Variants in KIF18A observed in about 807,000 individuals in gnomAD.
KIF18A encodes kinesin family member 18A, also known as kinesin-like protein KIF18A.
A neutral mutation model predicts 103.3 loss-of-function variants in KIF18A; 67 were observed. The ratio of observed to expected loss-of-function variants is 0.65; its 90% CI spans 0.53 to 0.79. The LOEUF (loss-of-function observed/expected upper bound fraction) is 0.79, where lower values mean the gene tolerates loss of function less well. Among genes scored for constraint, KIF18A ranks in the 30% least tolerant of loss-of-function variants. The pLI is 0.00. For synonymous variants in KIF18A, 367 were observed against 355.5 expected, an observed-to-expected ratio of 1.03 and a Z score of -0.36; for missense variants, 1,032 against 1,062.5, an observed-to-expected ratio of 0.97 and a Z score of 0.40.
At chr11:28,046,643 A>G (rs1850638523) in intron 13 of KIF18A, among the ~76,000 whole-genome samples, 1 of 146,384 alleles carries the variant, frequency 6.8e-6, no homozygotes, top group African/African-American at 2.5e-5. Flanking sequence ...ACATGTATAC[A>G]TATGTAACTA....
Position 28,058,992 on chromosome 11 carries a change from C to A in KIF18A, c.1882G>T (p.Asp628Tyr), listed in dbSNP as rs764168501. 1.4e-5 allele frequency: 22 copies of A among 1,614,014 alleles called. No homozygotes were observed. The highest frequency in any genetic ancestry group is 1.9e-5 in the Non-Finnish European group (22 of 1,179,960). The change falls in exon 13 of 17, where the codon GAT (aspartate) becomes TAT (tyrosine). Residue 628 changes from aspartate to tyrosine, a missense_variant. By Grantham distance (160) the Asp-to-Tyr change is radical. Coordinates refer to ENST00000263181, the MANE Select transcript of KIF18A (RefSeq NM_031217.4). Reference sequence around the variant, plus strand: ...ATAAGAACAGAAATCCCTGGTAGATCGTTTTGCTTTGGTTGTTCGGCAGTT... The same window carrying A: ...ATAAGAACAGAAATCCCTGGTAGATAGTTTTGCTTTGGTTGTTCGGCAGTT... ...DQTAEQPKQN[D>Y]LPGISVLMTF...
intron 4 of KIF18A, 133 bp downstream of exon 4, chr11:28,091,276 C>T (rs1851300909): frequency 3.7e-5 from 20 of 535,990 alleles, no homozygotes; most frequent in South Asian, 1.9e-4. Flanking sequence ...AAAAATATAC[C>T]CTAATCATTT....
chr11:28,058,363 A>G (rs916416985), intron 13 of KIF18A, among the ~76,000 whole-genome samples: 6 of 151,692 alleles, frequency 4.0e-5, no homozygotes, highest in African/African-American at 1.2e-4. Context: ...TCAAAAATAG[A>G]TAAAATGGGT....
intron 3 of KIF18A, among the ~76,000 whole-genome samples, chr11:28,094,261 G>T (rs1852135123): frequency 6.6e-6 from 1 of 152,060 alleles, no homozygotes; most frequent in Non-Finnish European, 1.5e-5. Context: ...TTGTATCATT[G>T]CTAATTTCCT....
chr11:28,041,067 G>A (rs16917687), intron 13 of KIF18A, among the ~76,000 whole-genome samples: 44,013 of 151,474 alleles, frequency 0.29, 7,231 homozygotes, highest in African/African-American at 0.44. Context: ...AATCTAAAAG[G>A]AGTACACCTG....
chr11:28,030,848 A>G (rs1204692703), intron 15 of KIF18A, among the ~76,000 whole-genome samples: 1 of 150,414 alleles, frequency 6.6e-6, no homozygotes, highest in East Asian at 1.9e-4. Flanking sequence ...AAAAACAAAC[A>G]ACCCCATCAA....
chr11:28,089,084 G>T (rs570579745), intron 5 of KIF18A, among the ~76,000 whole-genome samples: 1 of 152,124 alleles, frequency 6.6e-6, no homozygotes, highest in Non-Finnish European at 1.5e-5. Flanking sequence ...AAAGCTACTC[G>T]TTAGAATGCC....
intron 12 of KIF18A, among the ~76,000 whole-genome samples, chr11:28,060,024 T>C (rs1850838347): frequency 6.6e-6 from 1 of 152,152 alleles, no homozygotes; most frequent in East Asian, 1.9e-4. Flanking sequence ...ATGGGGAGTA[T>C]AAATAATCGT....
intron 9 of KIF18A, among the ~76,000 whole-genome samples, chr11:28,080,287 T>C (rs192123746): frequency 3.9e-5 from 6 of 152,104 alleles, no homozygotes; most frequent in Admixed American, 3.9e-4. Context: ...CACTGACTTC[T>C]TGAATTCAGT....
At chr11:28,092,767 C>G (rs1049185799) in intron 3 of KIF18A, among the ~76,000 whole-genome samples, 1 of 152,104 alleles carries the variant, frequency 6.6e-6, no homozygotes, top group Admixed American at 6.5e-5. Flanking sequence ...GTACAATTCT[C>G]TACAATGAAT....
At chr11:28,025,531 T>C (rs1850306381) in intron 15 of KIF18A, among the ~76,000 whole-genome samples, 1 of 152,014 alleles carries the variant, frequency 6.6e-6, no homozygotes, top group African/African-American at 2.4e-5. Flanking sequence ...ATGTTCTTTC[T>C]TGAAAATTAG....
At chr11:28,100,325 G>C (rs539351669) in intron 1 of KIF18A, among the ~76,000 whole-genome samples, 4 of 152,178 alleles carry the variant, frequency 2.6e-5, no homozygotes, top group African/African-American at 9.6e-5. Flanking sequence ...GCAGTATTAA[G>C]CTTTAAAAAC....
At chr11:28,067,429 A>G (rs988814858) in intron 11 of KIF18A, among the ~76,000 whole-genome samples, 1 of 152,056 alleles carries the variant, frequency 6.6e-6, no homozygotes, top group African/African-American at 2.4e-5. Flanking sequence ...AACTGTCATC[A>G]TTAACTACTA....
intron 12 of KIF18A, among the ~76,000 whole-genome samples, chr11:28,061,747 A>G (rs953837797): frequency 6.6e-6 from 1 of 152,170 alleles, no homozygotes; most frequent in African/African-American, 2.4e-5. Flanking sequence ...ATAGATTCTT[A>G]GAGTAGCAGA....
chr11:28,023,299 TAC>T (rs1590656110), intron 16 of KIF18A, among the ~76,000 whole-genome samples: 2 of 152,212 alleles, frequency 1.3e-5, no homozygotes, highest in African/African-American at 4.8e-5. Flanking sequence ...TGTAACTAGA[TAC>T]AGACTGGAAT....
intron 15 of KIF18A, among the ~76,000 whole-genome samples, chr11:28,027,711 C>T (rs1356324149): frequency 6.6e-6 from 1 of 151,866 alleles, no homozygotes; most frequent in East Asian, 1.9e-4. Flanking sequence ...ATAATAAAGT[C>T]TCCCAGCAAA....
intron 13 of KIF18A, among the ~76,000 whole-genome samples, chr11:28,051,814 C>T (rs1050923064): frequency 1.3e-5 from 2 of 151,946 alleles, no homozygotes; most frequent in Admixed American, 6.6e-5. Context: ...TTAGACTTCT[C>T]TCCTGAACTT....
At chr11:28,031,993 T>C (rs953572295) in intron 15 of KIF18A, among the ~76,000 whole-genome samples, 2 of 151,718 alleles carry the variant, frequency 1.3e-5, no homozygotes, top group East Asian at 1.9e-4. Context: ...TGGAAAAACG[T>C]AGAGTCCACA....
chr11:28,023,261 A>G (rs913804888), intron 16 of KIF18A, among the ~76,000 whole-genome samples: 5 of 152,156 alleles, frequency 3.3e-5, no homozygotes, highest in African/African-American at 1.2e-4. Flanking sequence ...TATCTTTTCC[A>G]ACTTGCCAAT....
Sources: gnomAD v4.1 joint callset for allele counts (sites outside exome capture counted in the v4.1 genomes callset) on GRCh38, gnomAD v4.1.1 for gene constraint, MANE v1.5 for transcripts, NCBI Gene and HGNC (gene_info 2026-07-23, HGNC 2026-07-21) for gene names.